The following SLC24A3 variants were observed in gnomAD, a reference collection of about 807,000 sequenced individuals.
SLC24A3 encodes sodium/potassium/calcium exchanger 3.
In SLC24A3, 28 loss-of-function variants were observed where a neutral mutation model predicts 75.8. The observed-to-expected ratio is 0.37, with a 90% CI of 0.27 to 0.51. The LOEUF (loss-of-function observed/expected upper bound fraction) is 0.51, where lower values mean the gene tolerates loss of function less well. Among genes scored for constraint, SLC24A3 ranks in the 20% least tolerant of loss-of-function variants. The pLI is 0.94. For synonymous variants in SLC24A3, 372 were observed against 334.1 expected (o/e 1.11, Z -1.24); for missense variants, 663 against 847.8 (o/e 0.78, Z 2.71).
At chr20:19,685,465 C>T in intron 12 of SLC24A3, 104 bp downstream of exon 12, 1 of 1,520,110 alleles carries the variant, frequency 6.6e-7, no homozygotes, top group Non-Finnish European at 8.9e-7. Flanking sequence ...TTTAAAATCT[C>T]TGTATGAACA....
intron 2 of SLC24A3, among the ~76,000 whole-genome samples, chr20:19,317,402 A>G (rs1360947532): frequency 2.0e-5 from 3 of 152,306 alleles, no homozygotes; most frequent in Middle Eastern, 3.4e-3. Flanking sequence ...GTTTCTCCTC[A>G]ATTGCCAAGT....
intron 6 of SLC24A3, among the ~76,000 whole-genome samples, chr20:19,589,075 A>G (rs1049621484): frequency 6.6e-6 from 1 of 152,236 alleles, no homozygotes. Flanking sequence ...TGCACCTCTG[A>G]ATTGAAATCC....
intron 1 of SLC24A3, among the ~76,000 whole-genome samples, chr20:19,263,647 C>T (rs963681944): frequency 6.6e-5 from 10 of 152,212 alleles, no homozygotes; most frequent in Admixed American, 6.5e-4. Context: ...CCTGCCTTCC[C>T]TTACCTATCA....
At chr20:19,417,657 T>C (rs569806976) in intron 2 of SLC24A3, among the ~76,000 whole-genome samples, 2 of 152,258 alleles carry the variant, frequency 1.3e-5, no homozygotes, top group South Asian at 4.1e-4. Flanking sequence ...TTAGGAACAA[T>C]TACGTAAACT....
Position 19,480,443 on chromosome 20 carries a change from A to G in SLC24A3, c.272-35045A>G, listed in dbSNP as rs536364454. ...CATCCTGCCTTTGGGACTATATTACATCATTACACACACAGCTGCCTGAAT... is the reference window on the plus strand; with the variant it reads ...CATCCTGCCTTTGGGACTATATTACGTCATTACACACACAGCTGCCTGAAT... On this transcript the variant is annotated intron_variant, in intron 2 of 16. Coordinates refer to ENST00000328041, the MANE Select transcript of SLC24A3 (RefSeq NM_020689.4). 1.1e-4 allele frequency among the ~76,000 whole-genome samples: 17 copies of G among 152,338 alleles called. No individual in the cohort carries two copies. In the East Asian group the frequency reaches 2.7e-3, roughly 24 times the overall value.
intron 2 of SLC24A3, among the ~76,000 whole-genome samples, chr20:19,301,739 G>A (rs1268775438): frequency 2.0e-5 from 3 of 151,996 alleles, no homozygotes; most frequent in Non-Finnish European, 4.4e-5. Context: ...GACATGGTTT[G>A]ATGACCCCCC....
intron 2 of SLC24A3, among the ~76,000 whole-genome samples, chr20:19,515,143 G>T (rs1359193822): frequency 6.6e-6 from 1 of 152,244 alleles, no homozygotes; most frequent in African/African-American, 2.4e-5. Context: ...TTGCAATATA[G>T]TAGTTCACGT....
At chr20:19,587,736 CT>C (rs2031319058) in intron 6 of SLC24A3, among the ~76,000 whole-genome samples, 1 of 152,192 alleles carries the variant, frequency 6.6e-6, no homozygotes, top group African/African-American at 2.4e-5. Flanking sequence ...GGAGAAGTTA[CT>C]TATGTTCTCA....
intron 10 of SLC24A3, among the ~76,000 whole-genome samples, chr20:19,683,138 T>A (rs886387380): frequency 6.6e-6 from 1 of 152,184 alleles, no homozygotes; most frequent in Non-Finnish European, 1.5e-5. Context: ...AAATTAAATA[T>A]TTGATATATT....
rs569670172 is a variant in SLC24A3 at position 19,217,034 on chromosome 20, C to T, written c.142+4050C>T. On this transcript the variant is annotated intron_variant, in intron 1 of 16. Transcript: ENST00000328041. ...TGCCAACCAGAACACCCACACGTGG[C>T]CTCTCCATGCGATCTCTTTATGTGG... Among the ~76,000 whole-genome samples, 6 of 152,356 alleles carry T rather than the reference C, an allele frequency of 3.9e-5. No homozygotes were observed. The East Asian group carries it at 1.2e-3, about 29-fold the overall frequency.
intron 3 of SLC24A3, among the ~76,000 whole-genome samples, chr20:19,532,745 C>T (rs2030325553): frequency 6.6e-6 from 1 of 152,200 alleles, no homozygotes; most frequent in Admixed American, 6.5e-5. Flanking sequence ...ACCCTGGCAA[C>T]CCTCAGAGCT....
At chr20:19,377,016 G>T (rs1013352731) in intron 2 of SLC24A3, among the ~76,000 whole-genome samples, 9 of 152,228 alleles carry the variant, frequency 5.9e-5, no homozygotes, top group Non-Finnish European at 1.0e-4. Context: ...CAGTTGAAAA[G>T]CTTGGGAAAG....
In SLC24A3 at chr20:19,387,423, T is replaced by C. The variant is rs1261517775; in HGVS notation, c.271+106336T>C. The stretch of plus-strand genomic sequence containing the variant: ...TCCCTGATGTGTAAAGTTAGTCTAT[T>C]TGAGATCTTTCTTTCTGCTTATGTA... On this transcript the variant is annotated intron_variant, in intron 2 of 16. Transcript: ENST00000328041. Among the ~76,000 whole-genome samples, 5 of 152,188 alleles carry C rather than the reference T, an allele frequency of 3.3e-5. No homozygotes were observed. The East Asian group carries it at 9.6e-4, about 29-fold the overall frequency.
At chr20:19,262,796 C>T (rs1036739416) in intron 1 of SLC24A3, among the ~76,000 whole-genome samples, 1 of 152,162 alleles carries the variant, frequency 6.6e-6, no homozygotes, top group African/African-American at 2.4e-5. Context: ...CTTGCTCTTA[C>T]GATTATTTCT....
chr20:19,334,023 A>G (rs1985068172), intron 2 of SLC24A3, among the ~76,000 whole-genome samples: 2 of 142,710 alleles, frequency 1.4e-5, no homozygotes, highest in South Asian at 2.2e-4. Flanking sequence ...GGTGCATTAT[A>G]TCAGAAGAAA....
At position 19,585,155 on chromosome 20, in the gene SLC24A3, G is replaced by A. The variant is rs570312465; in HGVS notation, c.508+100G>A. The A allele has an allele frequency of 1.9e-5, 21 of 1,093,572 alleles. No homozygotes were observed. In the African/African-American group the frequency reaches 3.1e-4, roughly 16 times the overall value. 67.7% of individuals were successfully genotyped at this position (1,093,572 alleles called of 1,614,324 possible). On this transcript the variant is annotated intron_variant, in intron 5 of 16. Transcript: ENST00000328041. ...AGACCGAGATTGTCTGCCACTCATA[G>A]AAAATGATAATCCAGGGACCCCAAT...
At position 19,558,840 on chromosome 20, in the gene SLC24A3, A is replaced by T. The variant is rs370855979; in HGVS notation, c.349-21160A>T. Among the ~76,000 whole-genome samples the T allele has an allele frequency of 4.7e-4, 71 of 152,316 alleles. No individual in the cohort carries two copies. The Middle Eastern group carries it at 0.01, about 22-fold the overall frequency. Reference sequence around the variant, plus strand: ...TTTATTCCTTTTTATTAACAAGAAGAACTCCATTGTATGGAAGTACTAAAG... The same window carrying T: ...TTTATTCCTTTTTATTAACAAGAAGTACTCCATTGTATGGAAGTACTAAAG... On this transcript the variant is annotated intron_variant, in intron 3 of 16. Coordinates refer to ENST00000328041, the MANE Select transcript of SLC24A3 (RefSeq NM_020689.4).
chr20:19,714,465 C>T (rs1387003417), intron 15 of SLC24A3, among the ~76,000 whole-genome samples: 4 of 150,362 alleles, frequency 2.7e-5, no homozygotes, highest in Non-Finnish European at 5.9e-5. Context: ...CTGCCCCAAA[C>T]CATCCATAGC....
At chr20:19,639,760 T>TC (rs2032050421) in intron 6 of SLC24A3, among the ~76,000 whole-genome samples, 1 of 152,150 alleles carries the variant, frequency 6.6e-6, no homozygotes, top group African/African-American at 2.4e-5. Context: ...GGGCTGCAGG[T>TC]CCCAAGCCCT....
Sources: allele counts gnomAD v4.1 joint callset (sites outside exome capture counted in the v4.1 genomes callset), GRCh38; gene constraint gnomAD v4.1.1; transcripts MANE v1.5; gene names NCBI Gene and HGNC (gene_info 2026-07-23, HGNC 2026-07-21).